TRPC7: variants seen among roughly 807,000 people sequenced by gnomAD.
The protein encoded by TRPC7 is transient receptor potential cation channel subfamily C member 7.
In TRPC7, 42 loss-of-function variants were observed where a neutral mutation model predicts 90.1. That is an observed-to-expected ratio of 0.47 (90% CI 0.36 to 0.60). The LOEUF is 0.60. Ranked by LOEUF, TRPC7 falls within the 20% of genes least tolerant of loss-of-function variation. The probability of loss-of-function intolerance (pLI) is 0.00; values close to 1 mark genes in which losing one functional copy is unlikely to be tolerated. For synonymous variants in TRPC7, 451 were observed against 436.3 expected (o/e 1.03, Z -0.42); for missense variants, 955 against 1,112.3 (o/e 0.86, Z 2.01).
At chr5:136,357,833 G>T (rs1760439981) in intron 1 of TRPC7, among the ~76,000 whole-genome samples, 1 of 152,162 alleles carries the variant, frequency 6.6e-6, no homozygotes, top group African/African-American at 2.4e-5. Context: ...GTCTGTAGGA[G>T]GATTAAATGA....
At chr5:136,218,148 G>GAT (rs1755336035) in intron 10 of TRPC7, among the ~76,000 whole-genome samples, 1 of 141,794 alleles carries the variant, frequency 7.1e-6, no homozygotes, top group Non-Finnish European at 1.5e-5. Flanking sequence ...ATATATTTGA[G>GAT]ATATATATAA....
intron 3 of TRPC7, among the ~76,000 whole-genome samples, chr5:136,292,629 C>A (rs1032956235): frequency 2.6e-4 from 40 of 152,190 alleles, no homozygotes; most frequent in East Asian, 7.7e-4. Context: ...CAATAACAGG[C>A]TCTGAAATTG....
intron 10 of TRPC7, among the ~76,000 whole-genome samples, chr5:136,223,356 G>A (rs544677621): frequency 1.3e-5 from 2 of 152,208 alleles, no homozygotes; most frequent in African/African-American, 2.4e-5. Flanking sequence ...GCTCATGCCT[G>A]TAATCCCAGC....
chr5:136,223,621 A>C (rs190527901), intron 10 of TRPC7, among the ~76,000 whole-genome samples: 2 of 152,116 alleles, frequency 1.3e-5, no homozygotes, highest in South Asian at 2.1e-4. Context: ...TAAAATCAAT[A>C]AATAAATAAA....
At chr5:136,304,250 C>T (rs974943010) in intron 3 of TRPC7, among the ~76,000 whole-genome samples, 83 of 152,082 alleles carry the variant, frequency 5.5e-4, no homozygotes, top group African/African-American at 1.8e-3. Flanking sequence ...ATCATGCACC[C>T]CTTACCATCT....
At chr5:136,334,522 A>G (rs1759592063) in intron 2 of TRPC7, among the ~76,000 whole-genome samples, 1 of 152,154 alleles carries the variant, frequency 6.6e-6, no homozygotes, top group Non-Finnish European at 1.5e-5. Context: ...CCTCTTTGTC[A>G]CCTCTGAGAA....
At chr5:136,268,154 A>G (rs918024032) in intron 4 of TRPC7, among the ~76,000 whole-genome samples, 1 of 152,194 alleles carries the variant, frequency 6.6e-6, no homozygotes, top group African/African-American at 2.4e-5. Flanking sequence ...CATTTTAGCA[A>G]ATGGTGTTAG....
At chr5:136,262,335 C>T (rs762869536) in intron 5 of TRPC7, among the ~76,000 whole-genome samples, 1 of 152,222 alleles carries the variant, frequency 6.6e-6, no homozygotes, top group African/African-American at 2.4e-5. Context: ...AGTCTCTTTG[C>T]TGTTCCTTGA....
At chr5:136,293,913 A>C (rs1224497380) in intron 3 of TRPC7, among the ~76,000 whole-genome samples, 1 of 152,234 alleles carries the variant, frequency 6.6e-6, no homozygotes, top group African/African-American at 2.4e-5. Context: ...ACAGTAACCA[A>C]AACAGCATGA....
chr5:136,347,413 A>G (rs528319406), intron 2 of TRPC7, among the ~76,000 whole-genome samples: 48 of 152,322 alleles, frequency 3.2e-4, no homozygotes, highest in African/African-American at 1.1e-3. Context: ...GGTCTACTCC[A>G]TATCTTTATT....
intron 2 of TRPC7, among the ~76,000 whole-genome samples, chr5:136,336,649 T>C (rs926872903): frequency 1.3e-5 from 2 of 152,032 alleles, no homozygotes; most frequent in African/African-American, 4.8e-5. Flanking sequence ...CCTAATGCTA[T>C]CCCTCCCCCT....
chr5:136,337,303 T>G (rs1257477569), intron 2 of TRPC7, among the ~76,000 whole-genome samples: 1 of 152,234 alleles, frequency 6.6e-6, no homozygotes, highest in African/African-American at 2.4e-5. Flanking sequence ...GCTCCTGATT[T>G]TTTTAGCTTA....
At chr5:136,323,064 A>G (rs1164105602) in intron 2 of TRPC7, among the ~76,000 whole-genome samples, 1 of 152,186 alleles carries the variant, frequency 6.6e-6, no homozygotes, top group African/African-American at 2.4e-5. Context: ...TGTGGGAGGA[A>G]CCCAGTGGGA....
chr5:136,309,711 C>T (rs1442327039), intron 3 of TRPC7, among the ~76,000 whole-genome samples: 2 of 152,194 alleles, frequency 1.3e-5, no homozygotes, highest in African/African-American at 4.8e-5. Flanking sequence ...GAGGGTGGTT[C>T]TTCTATCAGC....
In TRPC7 at chr5:136,315,695, C is replaced by T; in HGVS notation, c.865G>A (p.Ala289Thr). The T allele has an allele frequency of 1.2e-6, 2 of 1,614,028 alleles. No individual in the cohort carries two copies. Among genetic ancestry groups the T allele is most frequent in the Non-Finnish European group, 1.7e-6 (2 of 1,179,936 alleles). ...AAGTTCACATCACCGTTTAAAATTGCTTCCACCTCTTCTGTGTCTCGGCAC... is the reference window on the plus strand; with the variant it reads ...AAGTTCACATCACCGTTTAAAATTGTTTCCACCTCTTCTGTGTCTCGGCAC... ...DLCRDTEEVE[A>T]ILNGDVNFQV... Residue 289 changes from alanine (A) to threonine (T), a missense_variant, in exon 3 of 12, where the codon GCA becomes ACA. By Grantham distance (58) the Ala-to-Thr change is moderately conservative. Coordinates refer to ENST00000513104, the MANE Select transcript of TRPC7 (RefSeq NM_020389.3).
chr5:136,279,111 T>C (rs1757463030), intron 3 of TRPC7, among the ~76,000 whole-genome samples: 1 of 152,144 alleles, frequency 6.6e-6, no homozygotes, highest in African/African-American at 2.4e-5. Context: ...TCTTGTGCCA[T>C]TGTTCTCAAA....
At chr5:136,288,158 T>C (rs1302534304) in intron 3 of TRPC7, among the ~76,000 whole-genome samples, 1 of 152,136 alleles carries the variant, frequency 6.6e-6, no homozygotes, top group South Asian at 2.1e-4. Context: ...GTAACCCATC[T>C]GAGGTCACAC....
At chr5:136,281,174 A>G (rs897146658) in intron 3 of TRPC7, among the ~76,000 whole-genome samples, 3 of 152,190 alleles carry the variant, frequency 2.0e-5, no homozygotes, top group Non-Finnish European at 2.9e-5. Context: ...CCTTCTGCCT[A>G]TTCATCAGCC....
chr5:136,359,311 G>A (rs1221938851), intron 1 of TRPC7, among the ~76,000 whole-genome samples: 5 of 152,110 alleles, frequency 3.3e-5, no homozygotes, highest in Non-Finnish European at 7.4e-5. Flanking sequence ...ATTATATATG[G>A]AGCAACTTCT....
Sources: gnomAD v4.1 joint callset for allele counts (sites outside exome capture counted in the v4.1 genomes callset) on GRCh38, gnomAD v4.1.1 for gene constraint, MANE v1.5 for transcripts, NCBI Gene and HGNC (gene_info 2026-07-23, HGNC 2026-07-21) for gene names.